Variants in HIVEP1 observed in about 807,000 individuals in gnomAD.
HIVEP1 encodes the protein zinc finger protein 40.
A neutral mutation model predicts 180.0 loss-of-function variants in HIVEP1; 36 were observed. That is an observed-to-expected ratio of 0.20 (90% CI 0.15 to 0.26). The LOEUF is 0.26. Among genes scored for constraint, HIVEP1 ranks in the 10% least tolerant of loss-of-function variants. The pLI, the probability that HIVEP1 is intolerant of heterozygous loss-of-function variation, is 1.00. For synonymous variants in HIVEP1, 1,239 were observed against 1,239.0 expected, an observed-to-expected ratio of 1.00 and a Z score of 0.00; for missense variants, 3,143 against 3,268.7, an observed-to-expected ratio of 0.96 and a Z score of 0.94.
chr6:12,169,345 TG>T (rs1466261794), downstream of HIVEP1, among the ~76,000 whole-genome samples: 1 of 152,200 alleles, frequency 6.6e-6, no homozygotes, highest in Non-Finnish European at 1.5e-5. Context: ...TCTGGAACCT[TG>T]CTTATAAAGG....
At chr6:12,028,310 G>C (rs1768717144) in intron 2 of HIVEP1, among the ~76,000 whole-genome samples, 1 of 152,184 alleles carries the variant, frequency 6.6e-6, no homozygotes, top group South Asian at 2.1e-4. Context: ...CTCTGTCCCT[G>C]TCTTCCAGGA....
chr6:12,114,233 C>T (rs1290542188), intron 3 of HIVEP1, among the ~76,000 whole-genome samples: 1 of 152,206 alleles, frequency 6.6e-6, no homozygotes, highest in African/African-American at 2.4e-5. Flanking sequence ...TCCAGAACCC[C>T]GCTGACACTG....
At chr6:12,061,923 C>T (rs529221104) in intron 2 of HIVEP1, among the ~76,000 whole-genome samples, 1 of 152,216 alleles carries the variant, frequency 6.6e-6, no homozygotes, top group Non-Finnish European at 1.5e-5. Flanking sequence ...ACTTACTTGA[C>T]TTCTTAGTTT....
At chr6:12,074,462 C>G (rs989956596) in intron 2 of HIVEP1, among the ~76,000 whole-genome samples, 1 of 151,990 alleles carries the variant, frequency 6.6e-6, no homozygotes, top group Non-Finnish European at 1.5e-5. Flanking sequence ...TGAAAATGAG[C>G]AGAAAAGTTA....
the HIVEP1 span, among the ~76,000 whole-genome samples, chr6:12,173,127 T>C: frequency 4.6e-5 from 7 of 152,158 alleles, no homozygotes; most frequent in African/African-American, 1.7e-4. Flanking sequence ...GTATATTAGG[T>C]TTCAGTTCTT....
chr6:12,114,599 C>G (rs779490661), intron 3 of HIVEP1, among the ~76,000 whole-genome samples: 6 of 151,974 alleles, frequency 3.9e-5, no homozygotes, highest in Non-Finnish European at 8.8e-5. Context: ...TAGCCCAGAC[C>G]TCTCTCTAGA....
chr6:12,187,424 C>G, the HIVEP1 span, among the ~76,000 whole-genome samples: 1,790 of 151,960 alleles, frequency 0.012, 11 homozygotes, highest in Admixed American at 0.016. Context: ...TTAAAGAGAG[C>G]CTGGCACCTC....
the HIVEP1 span, among the ~76,000 whole-genome samples, chr6:12,188,608 C>CACTT: frequency 2.0e-5 from 3 of 152,038 alleles, no homozygotes; most frequent in African/African-American, 7.2e-5. Flanking sequence ...AAAATGACAC[C>CACTT]ACTTATAATA....
At chr6:12,119,626 A>G (rs780232816) in intron 3 of HIVEP1, among the ~76,000 whole-genome samples, 2 of 152,228 alleles carry the variant, frequency 1.3e-5, no homozygotes, top group African/African-American at 2.4e-5. Flanking sequence ...TAGTTCCAGG[A>G]TGTTGATTAT....
At position 12,151,816 on chromosome 6, in the gene HIVEP1, C is replaced by CT. The variant is rs1235895712; in HGVS notation, c.6488-9620dup. 7.9e-5 allele frequency among the ~76,000 whole-genome samples: 12 copies of CT among 152,274 alleles called. No individual in the cohort carries two copies. In the South Asian group the frequency reaches 1.2e-3, roughly 16 times the overall value. ...TGAGCCTGGCTGTGTTCCAATAAAA[C>CT]TTTATCCACAAGAACCAGTGGAGAG... On this transcript the variant is annotated intron_variant, in intron 7 of 8. Transcript: ENST00000379388.
intron 7 of HIVEP1, among the ~76,000 whole-genome samples, chr6:12,141,538 T>TG (rs1030475987): frequency 5.9e-5 from 9 of 151,724 alleles, no homozygotes; most frequent in African/African-American, 2.2e-4. Context: ...TTAATGTAAA[T>TG]GGGCTAAATG....
At chr6:12,103,172 G>A (rs1434677194) in intron 3 of HIVEP1, among the ~76,000 whole-genome samples, 4 of 128,896 alleles carry the variant, frequency 3.1e-5, no homozygotes, top group Admixed American at 2.6e-4. Flanking sequence ...AACCAGCGAT[G>A]GTGTTGATTA....
the HIVEP1 span, among the ~76,000 whole-genome samples, chr6:12,197,557 A>G: frequency 6.6e-6 from 1 of 151,340 alleles, no homozygotes; most frequent in Non-Finnish European, 1.5e-5. Context: ...TGTCTCAAAA[A>G]AAAAAAAAAA....
chr6:12,082,638 A>T (rs1228838990), intron 2 of HIVEP1, among the ~76,000 whole-genome samples: 1 of 152,176 alleles, frequency 6.6e-6, no homozygotes, highest in African/African-American at 2.4e-5. Context: ...TCATGTATCC[A>T]AACTGCTTTG....
intron 2 of HIVEP1, among the ~76,000 whole-genome samples, chr6:12,018,390 C>T (rs893498892): frequency 6.6e-6 from 1 of 152,206 alleles, no homozygotes; most frequent in South Asian, 2.1e-4. Flanking sequence ...GGCACCAAGG[C>T]GGAGGAGGCG....
At chr6:12,059,119 C>T (rs1035651422) in intron 2 of HIVEP1, among the ~76,000 whole-genome samples, 1 of 152,064 alleles carries the variant, frequency 6.6e-6, no homozygotes, top group Non-Finnish European at 1.5e-5. Flanking sequence ...TATCTTGTTC[C>T]AGGCTATTTC....
chr6:12,044,418 A>C (rs938128923), intron 2 of HIVEP1, among the ~76,000 whole-genome samples: 23 of 152,200 alleles, frequency 1.5e-4, no homozygotes, highest in Non-Finnish European at 2.9e-5. Flanking sequence ...GTACCTTGGG[A>C]AGCTTTCCTT....
At chr6:12,163,245 G>T (rs751136662) in intron 8 of HIVEP1, 38 bp from the exon 9 acceptor site, 15 of 1,467,950 alleles carry the variant, frequency 1.0e-5, no homozygotes, top group African/African-American at 7.0e-5. Context: ...GATTACAAAA[G>T]ACCTGTCATA....
intron 2 of HIVEP1, among the ~76,000 whole-genome samples, chr6:12,079,722 C>T (rs1772642331): frequency 1.3e-5 from 2 of 152,046 alleles, no homozygotes; most frequent in South Asian, 4.1e-4. Context: ...TGGGGTGCAG[C>T]CTGAGTATCA....
Sources: gnomAD v4.1 joint callset for allele counts (sites outside exome capture counted in the v4.1 genomes callset) on GRCh38, gnomAD v4.1.1 for gene constraint, MANE v1.5 for transcripts, NCBI Gene and HGNC (gene_info 2026-07-23, HGNC 2026-07-21) for gene names.